Variants in DNAI1 observed in about 807,000 individuals in gnomAD.
DNAI1 encodes dynein axonemal intermediate chain 1.
A neutral mutation model predicts 92.0 loss-of-function variants in DNAI1; 67 were observed. The ratio of observed to expected loss-of-function variants is 0.73; its 90% confidence interval spans 0.60 to 0.89. The LOEUF (loss-of-function observed/expected upper bound fraction) is 0.89, where lower values mean the gene tolerates loss of function less well. Among genes scored for constraint, DNAI1 ranks in the 40% least tolerant of loss-of-function variants. The pLI is 0.00. For synonymous variants in DNAI1, 323 were observed against 319.6 expected, an observed-to-expected ratio of 1.01 and a Z score of -0.11; for missense variants, 839 against 866.6, an observed-to-expected ratio of 0.97 and a Z score of 0.40.
At chr9:34,515,657 A>C (rs1302022634) in intron 18 of DNAI1, among the ~76,000 whole-genome samples, 8 of 152,222 alleles carry the variant, frequency 5.3e-5, no homozygotes, top group Admixed American at 5.2e-4. Context: ...AAGGACAAGG[A>C]ATGATGTGCT....
intron 1 of DNAI1, among the ~76,000 whole-genome samples, chr9:34,465,037 A>G (rs1269764651): frequency 6.6e-6 from 1 of 152,244 alleles, no homozygotes; most frequent in Non-Finnish European, 1.5e-5. Flanking sequence ...ATGGTCAGCC[A>G]AGTTGCATGT....
intron 8 of DNAI1, among the ~76,000 whole-genome samples, chr9:34,492,215 G>T (rs3793472): frequency 6.6e-6 from 1 of 151,476 alleles, no homozygotes; most frequent in Non-Finnish European, 1.5e-5. Flanking sequence ...CTGGGGGGGA[G>T]TTATTAAATG....
intron 8 of DNAI1, 93 bp downstream of exon 8, chr9:34,491,647 C>T (rs984260203): frequency 1.0e-5 from 14 of 1,388,028 alleles, no homozygotes; most frequent in Admixed American, 1.8e-5. Context: ...GTCAAGGGCT[C>T]CTCTGGCAGT....
chr9:34,520,533 C>G (rs1825257657), intron 19 of DNAI1, 125 bp from the exon 20 acceptor site: 5 of 858,942 alleles, frequency 5.8e-6, no homozygotes, highest in Non-Finnish European at 9.7e-6. Flanking sequence ...AGGCAGGGAT[C>G]CAGAATTTAC....
intron 10 of DNAI1, among the ~76,000 whole-genome samples, chr9:34,497,843 C>G (rs368769814): frequency 1.8e-4 from 28 of 152,232 alleles, no homozygotes; most frequent in African/African-American, 6.7e-4. Context: ...GGCAGTGAAA[C>G]CGAATAGGAA....
At chr9:34,489,923 A>C (rs1824550726) in intron 5 of DNAI1, 89 bp from the exon 6 acceptor site, 1 of 1,563,184 alleles carries the variant, frequency 6.4e-7, no homozygotes, top group Admixed American at 1.9e-5. Flanking sequence ...GGCCAAGGAA[A>C]ACCCCAGGCA....
At chr9:34,491,789 G>A (rs1824602326) in intron 8 of DNAI1, among the ~76,000 whole-genome samples, 1 of 152,212 alleles carries the variant, frequency 6.6e-6, no homozygotes, top group Non-Finnish European at 1.5e-5. Flanking sequence ...GCAAGGTTGT[G>A]CAAGCTGGAA....
chr9:34,492,493 G>GAGATATAGATATAT (rs1271867592), intron 8 of DNAI1, among the ~76,000 whole-genome samples: 1 of 68,268 alleles, frequency 1.5e-5, no homozygotes, highest in Non-Finnish European at 3.1e-5. Context: ...GGGATATGAA[G>GAGATATAGATATAT]ATATATATAT....
At chr9:34,468,656 G>A (rs1436026699) in intron 1 of DNAI1, among the ~76,000 whole-genome samples, 1 of 151,720 alleles carries the variant, frequency 6.6e-6, no homozygotes, top group East Asian at 1.9e-4. Context: ...AAAAAACCTC[G>A]TCTCTACAAA....
At chr9:34,473,597 A>G (rs985914742) in intron 1 of DNAI1, among the ~76,000 whole-genome samples, 1 of 152,136 alleles carries the variant, frequency 6.6e-6, no homozygotes, top group Non-Finnish European at 1.5e-5. Context: ...CAGCCAATCA[A>G]GCTAATTAAC....
At chr9:34,463,305 G>T (rs1406670553) in intron 1 of DNAI1, among the ~76,000 whole-genome samples, 1 of 152,060 alleles carries the variant, frequency 6.6e-6, no homozygotes, top group Non-Finnish European at 1.5e-5. Context: ...GGTCAAAGAG[G>T]TACCTTCCCC....
chr9:34,492,526 A>G (rs1368596254), intron 8 of DNAI1, among the ~76,000 whole-genome samples: 1 of 100,728 alleles, frequency 9.9e-6, no homozygotes, highest in Non-Finnish European at 2.0e-5. Context: ...ATATATATAT[A>G]TATATATATT....
intron 18 of DNAI1, 124 bp downstream of exon 18, chr9:34,514,863 CTG>C: frequency 9.2e-7 from 1 of 1,091,862 alleles, no homozygotes; most frequent in Non-Finnish European, 1.4e-6. Flanking sequence ...GACATAAGGA[CTG>C]TGTATTTTCC....
chr9:34,512,059 A>C, intron 13 of DNAI1, 50 bp from the exon 14 acceptor site: 1 of 1,582,750 alleles, frequency 6.3e-7, no homozygotes, highest in Non-Finnish European at 8.7e-7. Flanking sequence ...CCACAGCCCT[A>C]ACTCAACACT....
chr9:34,479,681 C>T (rs1379605569), intron 1 of DNAI1, among the ~76,000 whole-genome samples: 2 of 152,080 alleles, frequency 1.3e-5, no homozygotes, highest in East Asian at 1.9e-4. Flanking sequence ...CACGTTGGGA[C>T]GCTTCCATCC....
chr9:34,489,981 AC>A, intron 5 of DNAI1, 30 bp from the exon 6 acceptor site: 1 of 1,612,500 alleles, frequency 6.2e-7, no homozygotes, highest in Non-Finnish European at 8.5e-7. Flanking sequence ...GCAGGCTTAG[AC>A]TTTGAACTCA....
intron 9 of DNAI1, among the ~76,000 whole-genome samples, chr9:34,495,246 A>G (rs758030177): frequency 3.3e-5 from 5 of 152,160 alleles, no homozygotes; most frequent in Non-Finnish European, 5.9e-5. Context: ...TATCTGGGAC[A>G]AGGGAGGTGA....
chr9:34,487,996 C>T, intron 4 of DNAI1: 1 of 325,782 alleles, frequency 3.1e-6, no homozygotes, highest in South Asian at 2.4e-5. Flanking sequence ...AGATCCCAGT[C>T]AACTACTGGG....
intron 1 of DNAI1, among the ~76,000 whole-genome samples, chr9:34,463,485 G>A (rs1432620533): frequency 6.6e-6 from 1 of 152,222 alleles, no homozygotes; most frequent in African/African-American, 2.4e-5. Flanking sequence ...CCTGAAAATT[G>A]TGAGAGTGCC....
Sources: allele counts gnomAD v4.1 joint callset (sites outside exome capture counted in the v4.1 genomes callset), GRCh38; gene constraint gnomAD v4.1.1; transcripts MANE v1.5; gene names NCBI Gene and HGNC (gene_info 2026-07-23, HGNC 2026-07-21).